The following PFDN1 variants were observed in gnomAD, a reference collection of about 807,000 sequenced individuals.
PFDN1 encodes the protein prefoldin subunit 1.
PFDN1 carries 6 observed loss-of-function variants against 17.3 expected under a neutral mutation model. That is an observed-to-expected ratio of 0.35 (90% CI 0.19 to 0.69). The LOEUF (loss-of-function observed/expected upper bound fraction) is 0.69, where lower values mean the gene tolerates loss of function less well. Ranked by LOEUF, PFDN1 falls within the 30% of genes least tolerant of loss-of-function variation. The pLI, the probability that PFDN1 is intolerant of heterozygous loss-of-function variation, is 0.65. For missense variants in PFDN1, 113 were observed against 146.2 expected (o/e 0.77, Z 1.17); for synonymous variants, 58 against 50.1 (o/e 1.16, Z -0.67).
chr5:140,282,665 A>C (rs1765428444), intron 2 of PFDN1, among the ~76,000 whole-genome samples: 1 of 152,222 alleles, frequency 6.6e-6, no homozygotes, highest in African/African-American at 2.4e-5. Context: ...AATATGGAGA[A>C]GTTTTAAAAA....
At chr5:140,274,882 A>G (rs1765266104) in intron 3 of PFDN1, among the ~76,000 whole-genome samples, 2 of 151,536 alleles carry the variant, frequency 1.3e-5, no homozygotes, top group South Asian at 4.2e-4. Context: ...AATCCCAGCT[A>G]CTTGGGAGGC....
chr5:140,297,023 A>C (rs1765664476), intron 2 of PFDN1, among the ~76,000 whole-genome samples: 1 of 152,194 alleles, frequency 6.6e-6, no homozygotes, highest in African/African-American at 2.4e-5. Context: ...ATTAATTCTG[A>C]AAGATATGTG....
chr5:140,270,973 T>C (rs1471681197), intron 3 of PFDN1, among the ~76,000 whole-genome samples: 6 of 152,178 alleles, frequency 3.9e-5, no homozygotes, highest in Non-Finnish European at 5.9e-5. Flanking sequence ...TAAGTTCTCA[T>C]TGGATCTACA....
intron 3 of PFDN1, among the ~76,000 whole-genome samples, chr5:140,259,327 C>T (rs1417693718): frequency 6.6e-6 from 1 of 152,226 alleles, no homozygotes; most frequent in Non-Finnish European, 1.5e-5. Flanking sequence ...ATAACGTTAA[C>T]TCCTATCTTC....
At chr5:140,284,401 T>C (rs1283529003) in intron 2 of PFDN1, among the ~76,000 whole-genome samples, 1 of 152,190 alleles carries the variant, frequency 6.6e-6, no homozygotes, top group East Asian at 1.9e-4. Context: ...GGCAAAGATA[T>C]ATTGTATGAA....
At chr5:140,251,059 C>T (rs1002288819) in intron 3 of PFDN1, among the ~76,000 whole-genome samples, 4 of 152,032 alleles carry the variant, frequency 2.6e-5, no homozygotes, top group East Asian at 1.9e-4. Context: ...CTCAGCCTCC[C>T]GAGTAGCTGA....
intron 3 of PFDN1, among the ~76,000 whole-genome samples, chr5:140,261,343 T>C (rs1303729935): frequency 6.6e-6 from 1 of 152,154 alleles, no homozygotes; most frequent in African/African-American, 2.4e-5. Context: ...TTGTTAAAAA[T>C]TAACTTTAAT....
intron 3 of PFDN1, among the ~76,000 whole-genome samples, chr5:140,252,098 G>A (rs1485736455): frequency 6.6e-6 from 1 of 151,306 alleles, no homozygotes; most frequent in Non-Finnish European, 1.5e-5. Flanking sequence ...GAGGATTTGG[G>A]CAATACCAGT....
intron 3 of PFDN1, among the ~76,000 whole-genome samples, chr5:140,251,159 C>T (rs567893660): frequency 1.3e-5 from 2 of 152,208 alleles, no homozygotes; most frequent in East Asian, 3.9e-4. Context: ...TGGTCTCGAA[C>T]TCCTGGCCTC....
intron 3 of PFDN1, among the ~76,000 whole-genome samples, chr5:140,280,576 G>A (rs562322819): frequency 6.6e-6 from 1 of 152,178 alleles, no homozygotes; most frequent in Non-Finnish European, 1.5e-5. Flanking sequence ...CCAATTCAGT[G>A]CCCCTAAGAA....
chr5:140,255,892 T>G (rs1430689221), intron 3 of PFDN1, among the ~76,000 whole-genome samples: 1 of 152,172 alleles, frequency 6.6e-6, no homozygotes, highest in Non-Finnish European at 1.5e-5. Flanking sequence ...CTGCCTCCCC[T>G]GTCTTCCCTC....
chr5:140,286,520 G>T (rs917263296), intron 2 of PFDN1, among the ~76,000 whole-genome samples: 1 of 147,384 alleles, frequency 6.8e-6, no homozygotes, highest in Admixed American at 7.0e-5. Context: ...GATGAAATGG[G>T]ACTGGAAAAG....
intron 3 of PFDN1, among the ~76,000 whole-genome samples, chr5:140,275,429 G>T (rs2126688832): frequency 6.7e-6 from 1 of 148,964 alleles, no homozygotes; most frequent in African/African-American, 2.5e-5. Flanking sequence ...AAAAAAGACA[G>T]TGCTTGTGTT....
intron 2 of PFDN1, among the ~76,000 whole-genome samples, chr5:140,287,328 T>C (rs1190386040): frequency 6.6e-6 from 1 of 152,212 alleles, no homozygotes; most frequent in Non-Finnish European, 1.5e-5. Flanking sequence ...ACAATCAGCT[T>C]AGTATGTGTA....
intron 3 of PFDN1, among the ~76,000 whole-genome samples, chr5:140,249,471 C>T (rs539785116): frequency 7.4e-4 from 113 of 152,290 alleles, no homozygotes; most frequent in African/African-American, 2.5e-3. Flanking sequence ...CAGGCCTCTG[C>T]AATTCAGTAT....
chr5:140,299,049 C>T (rs1277586516), intron 2 of PFDN1, among the ~76,000 whole-genome samples: 3 of 151,956 alleles, frequency 2.0e-5, no homozygotes, highest in Non-Finnish European at 4.4e-5. Context: ...CTATGCCTGG[C>T]CAGAATGAGT....
chr5:140,261,369 A>G (rs1471618993), intron 3 of PFDN1, among the ~76,000 whole-genome samples: 3 of 152,230 alleles, frequency 2.0e-5, no homozygotes, highest in Admixed American at 6.5e-5. Context: ...AAGCAAAAGC[A>G]CTAAGCATTT....
chr5:140,251,316 A>C (rs1333949608), intron 3 of PFDN1, among the ~76,000 whole-genome samples: 1 of 152,234 alleles, frequency 6.6e-6, no homozygotes, highest in Non-Finnish European at 1.5e-5. Flanking sequence ...TAAAATAAAT[A>C]AATAATAAAA....
intron 2 of PFDN1, among the ~76,000 whole-genome samples, chr5:140,294,630 C>A (rs1365638007): frequency 1.3e-5 from 2 of 151,954 alleles, no homozygotes; most frequent in African/African-American, 4.8e-5. Flanking sequence ...GGCAGTTCAG[C>A]CAAGCTGTCA....
Sources: allele counts gnomAD v4.1 joint callset (sites outside exome capture counted in the v4.1 genomes callset), GRCh38; gene constraint gnomAD v4.1.1; transcripts MANE v1.5; gene names NCBI Gene and HGNC (gene_info 2026-07-23, HGNC 2026-07-21).